Variants in NFATC1 observed in about 807,000 individuals in gnomAD.
NFATC1 encodes nuclear factor of activated T cells 1, also known as nuclear factor of activated T-cells, cytoplasmic 1.
In NFATC1, 22 loss-of-function variants were observed where a neutral mutation model predicts 76.0. That is an observed-to-expected ratio of 0.29 (90% confidence interval 0.21 to 0.41). The LOEUF is 0.41. NFATC1 is among the 10% of genes least tolerant of loss of function. The pLI is 1.00. For missense variants in NFATC1, 1,357 were observed against 1,337.7 expected (o/e 1.01, Z -0.23); for synonymous variants, 704 against 613.1 (o/e 1.15, Z -2.19).
In NFATC1 at chr18:79,440,613, G is replaced by A. The variant is rs1395830489; in HGVS notation, c.1386+6875G>A. On this transcript the variant is annotated intron_variant, in intron 3 of 9. Transcript: ENST00000427363. Reference sequence around the variant, plus strand: ...TGTTGGCCATGGCAGGTCCCTGCCCGTTTCTCCGAGGACCTGGGGCTGTGA... The same window carrying A: ...TGTTGGCCATGGCAGGTCCCTGCCCATTTCTCCGAGGACCTGGGGCTGTGA... 2.0e-5 allele frequency among the ~76,000 whole-genome samples: 3 copies of A among 152,294 alleles called. No individual in the cohort carries two copies. The South Asian group carries it at 6.2e-4, about 32-fold the overall frequency.
At chr18:79,435,266 C>T (rs1396342286) in intron 3 of NFATC1, among the ~76,000 whole-genome samples, 4 of 151,746 alleles carry the variant, frequency 2.6e-5, no homozygotes, top group African/African-American at 4.8e-5. Context: ...GTGTAGGAAT[C>T]GAGGCTGTTA....
chr18:79,505,131 C>G (rs1419445633), intron 9 of NFATC1, among the ~76,000 whole-genome samples: 4 of 65,520 alleles, frequency 6.1e-5, no homozygotes, highest in African/African-American at 8.2e-5. Context: ...GGAGGTGGTG[C>G]TGGAGGCCCT....
intron 9 of NFATC1, chr18:79,516,197 C>T (rs893764989): frequency 1.3e-5 from 2 of 152,180 alleles, no homozygotes; most frequent in Non-Finnish European, 2.9e-5. Flanking sequence ...CTCCCCACCA[C>T]CAGCTGCGTC....
chr18:79,404,811 G>A (rs996924065), intron 1 of NFATC1, among the ~76,000 whole-genome samples: 1 of 152,182 alleles, frequency 6.6e-6, no homozygotes, highest in Non-Finnish European at 1.5e-5. Flanking sequence ...ACTGCGTGTC[G>A]TGAGGGGCAG....
At chr18:79,446,971 C>G (rs148836657) in intron 3 of NFATC1, among the ~76,000 whole-genome samples, 1 of 152,236 alleles carries the variant, frequency 6.6e-6, no homozygotes, top group East Asian at 1.9e-4. Flanking sequence ...CAGCCTCACG[C>G]GGCGTCCCAG....
At chr18:79,460,722 C>T (rs1464652664) in intron 6 of NFATC1, among the ~76,000 whole-genome samples, 4 of 152,196 alleles carry the variant, frequency 2.6e-5, no homozygotes, top group African/African-American at 7.2e-5. Flanking sequence ...CGGCCAGGCC[C>T]TCATCCACCA....
In NFATC1 at chr18:79,456,842, G is replaced by C. The variant is rs900017794; in HGVS notation, c.1904-4469G>C. Among the ~76,000 whole-genome samples, 31 of 152,248 alleles carry C rather than the reference G, an allele frequency of 2.0e-4. 1 individual carries two copies. On this transcript the variant is annotated intron_variant, in intron 6 of 9. Transcript: ENST00000427363. ...GGTGTGCCCTCTGACGGGGCTGGGT[G>C]AGCAAGGAGGACACAGCTGGGAATT...
At chr18:79,494,122 G>A (rs189149452) in intron 9 of NFATC1, among the ~76,000 whole-genome samples, 152 of 152,362 alleles carry the variant, frequency 1.0e-3, no homozygotes, top group African/African-American at 3.5e-3. Flanking sequence ...GTCGACTCAC[G>A]CGTTTCAGTT....
chr18:79,522,102 G>A (rs867971730), intron 9 of NFATC1, among the ~76,000 whole-genome samples: 4 of 102,000 alleles, frequency 3.9e-5, no homozygotes, highest in Admixed American at 1.2e-4. Flanking sequence ...GTCTGCTGAT[G>A]TGTGTTTTGT....
rs951564139 is a variant in NFATC1 at position 79,465,690 on chromosome 18, T to A, written c.1960-1760T>A. Among the ~76,000 whole-genome samples the A allele has an allele frequency of 3.9e-5, 6 of 152,380 alleles. No individual in the cohort carries two copies. The highest frequency in any genetic ancestry group is 1.4e-4 in the African/African-American group (6 of 41,590). On this transcript the variant is annotated intron_variant, in intron 7 of 9. Transcript: ENST00000427363. The surrounding 1 kb of genome is among the most constrained non-coding windows in gnomAD (Gnocchi z 4.2). ...TCTTGTCTCTTCCCTCAGCTGCTTC[T>A]GCTCTAAAGACCCACCTGGTGTAGC...
chr18:79,478,593 A>AAG lies in NFATC1; in HGVS notation c.2093-7652_2093-7651dup, dbSNP rs141779101. Among the ~76,000 whole-genome samples, 1,358 of 152,278 alleles carry AAG rather than the reference A, an allele frequency of 8.9e-3. 23 individuals carry two copies. The highest frequency in any genetic ancestry group is 0.027 in the African/African-American group (1,136 of 41,562). On this transcript the variant is annotated intron_variant, in intron 8 of 9. Transcript: ENST00000427363. ...CATTTTCCAGGCTTGGGGGTTCTTT[A>AAG]AGAGGCCAGGATTGTGCCGAATGCT...
intron 9 of NFATC1, among the ~76,000 whole-genome samples, chr18:79,512,495 C>T (rs1316606977): frequency 2.2e-4 from 34 of 152,210 alleles, no homozygotes; most frequent in Non-Finnish European, 2.9e-5. Context: ...GAACCGGAGC[C>T]GGAGCAGCAT....
intron 9 of NFATC1, among the ~76,000 whole-genome samples, chr18:79,491,509 C>T (rs1033743777): frequency 5.3e-5 from 8 of 152,194 alleles, no homozygotes; most frequent in African/African-American, 9.7e-5. Flanking sequence ...GACTCAGACA[C>T]ACCCCTGACT....
In NFATC1 at chr18:79,407,243, G is replaced by A. The variant is rs146631004; in HGVS notation, c.128-3160G>A. On this transcript the variant is annotated intron_variant, in intron 1 of 9. Coordinates refer to ENST00000427363, the MANE Select transcript of NFATC1 (RefSeq NM_001278669.2). ...AAGCATCCAGTGAGCATGGAGCCTG[G>A]GGGCGGGGGGCACAGTGGATGCCAG... is the stretch of plus-strand genomic sequence containing the variant. Among the ~76,000 whole-genome samples, 567 of 152,362 alleles carry A rather than the reference G, an allele frequency of 3.7e-3. 5 individuals carry two copies. The highest frequency in any genetic ancestry group is 0.012 in the African/African-American group (512 of 41,594).
At chr18:79,443,800 A>C (rs968989308) in intron 3 of NFATC1, among the ~76,000 whole-genome samples, 2 of 152,200 alleles carry the variant, frequency 1.3e-5, no homozygotes, top group Non-Finnish European at 2.9e-5. Flanking sequence ...CCCCTTCCCC[A>C]GGCTGCCCAG....
At chr18:79,413,520 G>C (rs1169096770) in intron 2 of NFATC1, among the ~76,000 whole-genome samples, 2 of 152,188 alleles carry the variant, frequency 1.3e-5, no homozygotes, top group Non-Finnish European at 2.9e-5. Context: ...GAGGACACTG[G>C]TCCTGCTGGG....
At chr18:79,470,845 G>T (rs2088758582) in intron 8 of NFATC1, 1 of 152,284 alleles carries the variant, frequency 6.6e-6, no homozygotes. Context: ...GGGCTCAGGT[G>T]GGGCTGACAC....
chr18:79,468,751 G>T (rs1263026589), intron 8 of NFATC1: 1 of 152,316 alleles, frequency 6.6e-6, no homozygotes, highest in Non-Finnish European at 1.5e-5. Flanking sequence ...GGAAAATGGG[G>T]TTTTGCTGTA....
At chr18:79,447,504 C>T (rs998540095) in intron 3 of NFATC1, among the ~76,000 whole-genome samples, 9 of 152,310 alleles carry the variant, frequency 5.9e-5, no homozygotes, top group Middle Eastern at 3.4e-3. Context: ...GAGGGGTCGA[C>T]GCGTCCCAGG....
Sources: allele counts gnomAD v4.1 joint callset (sites outside exome capture counted in the v4.1 genomes callset), GRCh38; gene constraint gnomAD v4.1.1; non-coding constraint Gnocchi (gnomAD v3.1); transcripts MANE v1.5; gene names NCBI Gene and HGNC (gene_info 2026-07-23, HGNC 2026-07-21).